Variants in ABLIM1 observed in about 807,000 individuals in gnomAD.
The protein encoded by ABLIM1 is actin-binding LIM protein 1.
In ABLIM1, 40 loss-of-function variants were observed where a neutral mutation model predicts 107.0. The observed-to-expected ratio is 0.37, with a 90% CI of 0.29 to 0.49. The LOEUF (loss-of-function observed/expected upper bound fraction) is 0.49. Among genes scored for constraint, ABLIM1 ranks in the 20% least tolerant of loss-of-function variants. The probability of loss-of-function intolerance (pLI) is 0.97; values close to 1 mark genes in which losing one functional copy is unlikely to be tolerated. For synonymous variants in ABLIM1, 357 were observed against 357.3 expected, an observed-to-expected ratio of 1.00 and a Z score of 0.01; for missense variants, 857 against 1,008.5, an observed-to-expected ratio of 0.85 and a Z score of 2.04.
At chr10:114,458,614 C>T (rs191246250) in intron 12 of ABLIM1, among the ~76,000 whole-genome samples, 250 of 152,270 alleles carry the variant, frequency 1.6e-3, no homozygotes, top group Non-Finnish European at 3.0e-3. Context: ...ATTGCCGGTT[C>T]TTGTCTAAAG....
At chr10:114,608,341 G>A (rs1439543124) in intron 1 of ABLIM1, among the ~76,000 whole-genome samples, 2 of 152,058 alleles carry the variant, frequency 1.3e-5, no homozygotes, top group Admixed American at 1.3e-4. Context: ...TCCAGCCTGG[G>A]AGACAAGAAC....
chr10:114,464,861 G>A (rs1036935552), intron 12 of ABLIM1, among the ~76,000 whole-genome samples: 2 of 152,134 alleles, frequency 1.3e-5, no homozygotes, highest in East Asian at 1.9e-4. Context: ...CTTCACAGAC[G>A]CGCACTGTCA....
At chr10:114,439,288 T>C (rs377280713) in intron 20 of ABLIM1, 38 bp from the exon 21 acceptor site, 3 of 1,611,464 alleles carry the variant, frequency 1.9e-6, no homozygotes, top group Non-Finnish European at 2.5e-6. Context: ...AGGCATGAAA[T>C]AGTCTAGGAA....
chr10:114,464,716 G>A (rs2064773275), intron 12 of ABLIM1, among the ~76,000 whole-genome samples: 1 of 152,120 alleles, frequency 6.6e-6, no homozygotes, highest in African/African-American at 2.4e-5. Flanking sequence ...TAAATCTAGG[G>A]TCTTAGAAGA....
chr10:114,721,396 G>A (rs1041979590), intron 1 of ABLIM1, among the ~76,000 whole-genome samples: 9 of 152,130 alleles, frequency 5.9e-5, no homozygotes, highest in African/African-American at 1.9e-4. Context: ...CCAGGTGATC[G>A]CTCCCTGCTG....
chr10:114,742,890 T>C (rs2082314359), intron 1 of ABLIM1, among the ~76,000 whole-genome samples: 1 of 152,062 alleles, frequency 6.6e-6, no homozygotes, highest in African/African-American at 2.4e-5. Flanking sequence ...GCCATTGCAC[T>C]CCAGCCTGGG....
chr10:114,643,129 C>T (rs1283199514), intron 1 of ABLIM1, among the ~76,000 whole-genome samples: 1 of 152,152 alleles, frequency 6.6e-6, no homozygotes, highest in Non-Finnish European at 1.5e-5. Flanking sequence ...AATGCAAACA[C>T]TACTAAAAGT....
At chr10:114,732,099 C>CT (rs35870357) in intron 1 of ABLIM1, among the ~76,000 whole-genome samples, 76,300 of 150,468 alleles carry the variant, frequency 0.51, 20,296 homozygotes, top group South Asian at 0.59. Context: ...TATTCTCTGT[C>CT]TTTTTTTTAT....
chr10:114,446,272 G>C (rs1435817166), intron 15 of ABLIM1, among the ~76,000 whole-genome samples: 1 of 152,054 alleles, frequency 6.6e-6, no homozygotes, highest in Admixed American at 6.6e-5. Context: ...TCGAGAAATG[G>C]GTCTCTAAGG....
intron 6 of ABLIM1, among the ~76,000 whole-genome samples, chr10:114,527,861 G>A (rs1334252533): frequency 2.2e-5 from 3 of 134,206 alleles, no homozygotes; most frequent in East Asian, 4.3e-4. Flanking sequence ...TTTTTGAGAC[G>A]GAGTCTCGCT....
intron 4 of ABLIM1, among the ~76,000 whole-genome samples, chr10:114,562,491 T>C (rs1353727303): frequency 6.6e-6 from 1 of 152,220 alleles, no homozygotes; most frequent in African/African-American, 2.4e-5. Context: ...ATCGCGCCAC[T>C]GCAGTCCACC....
intron 1 of ABLIM1, among the ~76,000 whole-genome samples, chr10:114,710,142 A>G (rs2081516253): frequency 6.6e-6 from 1 of 152,196 alleles, no homozygotes; most frequent in African/African-American, 2.4e-5. Flanking sequence ...TTACAGCTCA[A>G]CTGCCCAACA....
chr10:114,652,893 G>A (rs2079318231), intron 1 of ABLIM1, among the ~76,000 whole-genome samples: 1 of 152,212 alleles, frequency 6.6e-6, no homozygotes, highest in Non-Finnish European at 1.5e-5. Flanking sequence ...CGAGCTAGAG[G>A]AAGGAAATCT....
intron 7 of ABLIM1, among the ~76,000 whole-genome samples, chr10:114,491,012 G>GTGTGTGTGTATATATATA: frequency 0.017 from 1,580 of 92,234 alleles, 31 homozygotes; most frequent in Middle Eastern, 0.034. Flanking sequence ...GTGTGTGTGT[G>GTGTGTGTGTATATATATA]TATATATATA....
chr10:114,765,619 A>C (rs1389168719), intron 1 of ABLIM1, among the ~76,000 whole-genome samples: 1 of 152,220 alleles, frequency 6.6e-6, no homozygotes, highest in Non-Finnish European at 1.5e-5. Context: ...TCTTTTAAAA[A>C]ATTAATGACA....
chr10:114,788,335 A>T, the ABLIM1 span, among the ~76,000 whole-genome samples: 7 of 129,980 alleles, frequency 5.4e-5, no homozygotes, highest in South Asian at 2.2e-4. Flanking sequence ...ATAAAAAAAT[A>T]AAAAAAAAAA....
chr10:114,606,220 C>T (rs2076398242), intron 1 of ABLIM1, among the ~76,000 whole-genome samples: 1 of 152,002 alleles, frequency 6.6e-6, no homozygotes, highest in Non-Finnish European at 1.5e-5. Context: ...AAGCCTGTGA[C>T]AGAGTCCAAT....
chr10:114,480,345 G>A (rs962134015), intron 8 of ABLIM1, among the ~76,000 whole-genome samples: 2 of 152,172 alleles, frequency 1.3e-5, no homozygotes, highest in Admixed American at 6.5e-5. Context: ...TGTTATAAAT[G>A]CATACAATTT....
intron 6 of ABLIM1, among the ~76,000 whole-genome samples, chr10:114,515,368 C>G (rs1303274855): frequency 1.3e-5 from 2 of 152,206 alleles, no homozygotes; most frequent in African/African-American, 4.8e-5. Context: ...GATGGAATCT[C>G]TTCCTGGGAC....
Sources: allele counts gnomAD v4.1 joint callset (sites outside exome capture counted in the v4.1 genomes callset), GRCh38; gene constraint gnomAD v4.1.1; transcripts MANE v1.5; gene names NCBI Gene and HGNC (gene_info 2026-07-23, HGNC 2026-07-21).